Variants in MDN1 observed in about 807,000 individuals in gnomAD.
MDN1 encodes midasin.
A neutral mutation model predicts 669.2 loss-of-function variants in MDN1; 266 were observed. That is an observed-to-expected ratio of 0.40 (90% CI 0.36 to 0.44). MDN1 has a LOEUF of 0.44. Among genes scored for constraint, MDN1 ranks in the 20% least tolerant of loss-of-function variants. MDN1 has a pLI of 1.00. For synonymous variants in MDN1, 2,385 were observed against 2,457.1 expected (o/e 0.97, Z 0.87); for missense variants, 5,940 against 6,754.0 (o/e 0.88, Z 4.22).
chr6:89,690,979 T>C (rs1422506566), intron 63 of MDN1, 145 bp from the exon 64 acceptor site: 3 of 1,005,072 alleles, frequency 3.0e-6, no homozygotes, highest in East Asian at 2.6e-5. Flanking sequence ...CTAAATTCCA[T>C]GGAATAAAGA....
intron 2 of MDN1, among the ~76,000 whole-genome samples, chr6:89,796,303 G>A (rs1481896557): frequency 1.9e-4 from 16 of 83,856 alleles, no homozygotes; most frequent in Non-Finnish European, 2.7e-4. Context: ...CAGCCTGGGC[G>A]ACAAGAGCAA....
At chr6:89,693,536 G>A (rs564081590) in intron 62 of MDN1, among the ~76,000 whole-genome samples, 1 of 152,172 alleles carries the variant, frequency 6.6e-6, no homozygotes, top group Non-Finnish European at 1.5e-5. Flanking sequence ...TATACAGGCT[G>A]AGCATCCCAA....
chr6:89,768,741 C>CA (rs1374874172), intron 15 of MDN1, among the ~76,000 whole-genome samples: 2 of 151,316 alleles, frequency 1.3e-5, no homozygotes, highest in African/African-American at 2.4e-5. Flanking sequence ...TGTCCCCCCC[C>CA]AAAAAAAGAG....
intron 12 of MDN1, 79 bp from the exon 13 acceptor site, chr6:89,774,812 C>A (rs999467602): frequency 1.5e-5 from 14 of 957,646 alleles, no homozygotes; most frequent in Non-Finnish European, 2.0e-5. Flanking sequence ...TTATTTTGGC[C>A]CTCAAATTAG....
intron 59 of MDN1, among the ~76,000 whole-genome samples, chr6:89,697,433 GA>G (rs1017825543): frequency 2.0e-5 from 3 of 151,966 alleles, no homozygotes; most frequent in African/African-American, 4.8e-5. Flanking sequence ...TATTTGGAGG[GA>G]AAAAAATTAT....
chr6:89,731,603 C>T (rs925307062), intron 34 of MDN1, among the ~76,000 whole-genome samples: 1 of 151,596 alleles, frequency 6.6e-6, no homozygotes, highest in African/African-American at 2.4e-5. Flanking sequence ...ATACTGGGGC[C>T]TGTCAGGGGA....
chr6:89,665,006 GTT>G (rs1810082949), intron 84 of MDN1, among the ~76,000 whole-genome samples: 1 of 151,960 alleles, frequency 6.6e-6, no homozygotes, highest in Non-Finnish European at 1.5e-5. Context: ...TTCTTCCTTG[GTT>G]TCTATATTTC....
intron 9 of MDN1, among the ~76,000 whole-genome samples, chr6:89,784,766 G>A (rs192538508): frequency 7.9e-5 from 12 of 152,274 alleles, no homozygotes; most frequent in Admixed American, 4.6e-4. Flanking sequence ...ATTTTATTGT[G>A]TATAATAATG....
intron 37 of MDN1, among the ~76,000 whole-genome samples, chr6:89,725,938 C>T (rs1201291538): frequency 1.5e-5 from 1 of 67,940 alleles, no homozygotes; most frequent in East Asian, 3.4e-4. Context: ...TATACACACA[C>T]ACACACACAC....
In MDN1 at chr6:89,790,375, T is replaced by C; in HGVS notation, c.882A>G (p.Glu294=). The part of the protein sequence containing the change: ...ELGGNRSSSR[E]QELALRSYVL... Reference sequence around the variant, plus strand: ...CATAAGACCTAAGGGCCAGCTCCTGTTCACGTGAAGAACTCCTATTACCAC... The same window carrying C: ...CATAAGACCTAAGGGCCAGCTCCTGCTCACGTGAAGAACTCCTATTACCAC... The change falls in exon 6 of 102, where the codon GAA becomes GAG. Residue 294 remains glutamate, a synonymous_variant. Coordinates refer to ENST00000369393, the MANE Select transcript of MDN1 (RefSeq NM_014611.3). 2.5e-6 allele frequency: 4 copies of C among 1,613,952 alleles called. No individual in the cohort carries two copies. Among genetic ancestry groups the C allele is most frequent in the Non-Finnish European group, 3.4e-6 (4 of 1,179,980 alleles).
In MDN1 at chr6:89,680,476, T is replaced by G. The variant is rs1377727200; in HGVS notation, c.12265+113A>C. ...AAGCCCACTTGCTTATTCAATCAAC[T>G]GTTCAACACTACACAAGGTATCAAA... On this transcript the variant is annotated intron_variant, in intron 74 of 101. Transcript: ENST00000369393. 2.4e-6 allele frequency: 3 copies of G among 1,268,512 alleles called. No individual in the cohort carries two copies. In the Admixed American group the frequency reaches 8.7e-5, roughly 37 times the overall value. 78.6% of individuals were successfully genotyped at this position (1,268,512 alleles called of 1,614,324 possible).
intron 44 of MDN1, 45 bp from the exon 45 acceptor site, chr6:89,715,814 T>A (rs1437977646): frequency 7.9e-7 from 1 of 1,268,602 alleles, no homozygotes; most frequent in Admixed American, 1.7e-5. Flanking sequence ...ACATGCTGCA[T>A]TGACTCTTCT....
At chr6:89,699,321 A>G (rs1340159966) in intron 58 of MDN1, among the ~76,000 whole-genome samples, 1 of 152,184 alleles carries the variant, frequency 6.6e-6, no homozygotes, top group East Asian at 1.9e-4. Flanking sequence ...ACACTCTCAC[A>G]ATATATTTTT....
At chr6:89,737,800 T>G (rs2128316378) in intron 33 of MDN1, among the ~76,000 whole-genome samples, 1 of 151,198 alleles carries the variant, frequency 6.6e-6, no homozygotes, top group East Asian at 2.0e-4. Context: ...CTTGGATCAC[T>G]GCAACCTCCA....
At chr6:89,696,223 G>A in intron 60 of MDN1, 137 bp downstream of exon 60, 1 of 1,087,234 alleles carries the variant, frequency 9.2e-7, no homozygotes, top group South Asian at 1.5e-5. Context: ...CTGAAAACAT[G>A]CTGATTCAGG....
chr6:89,817,248 T>C (rs1464707608), intron 1 of MDN1, among the ~76,000 whole-genome samples: 1 of 152,250 alleles, frequency 6.6e-6, no homozygotes, highest in Non-Finnish European at 1.5e-5. Context: ...GGCTGTGTCA[T>C]GAGCCATGGT....
At chr6:89,755,136 T>C (rs1412422935) in intron 20 of MDN1, among the ~76,000 whole-genome samples, 1 of 152,142 alleles carries the variant, frequency 6.6e-6, no homozygotes, top group Non-Finnish European at 1.5e-5. Context: ...TATACGTATT[T>C]ACACTTTTGT....
At chr6:89,750,030 C>T (rs569545616) in intron 24 of MDN1, among the ~76,000 whole-genome samples, 1 of 152,276 alleles carries the variant, frequency 6.6e-6, no homozygotes, top group South Asian at 2.1e-4. Flanking sequence ...TCATTTAAAT[C>T]ACCACATTCT....
intron 88 of MDN1, 116 bp downstream of exon 88, chr6:89,661,315 C>T (rs1334846151): frequency 3.1e-5 from 37 of 1,179,600 alleles, no homozygotes; most frequent in Non-Finnish European, 4.8e-6. Context: ...TGGGATTGAG[C>T]CTACCAAACG....
Sources: allele counts gnomAD v4.1 joint callset (sites outside exome capture counted in the v4.1 genomes callset), GRCh38; gene constraint gnomAD v4.1.1; transcripts MANE v1.5; gene names NCBI Gene and HGNC (gene_info 2026-07-23, HGNC 2026-07-21).